Variants in ARFGEF3 observed in about 807,000 individuals in gnomAD.
The protein encoded by ARFGEF3 is ARFGEF family member 3, also known as brefeldin A-inhibited guanine nucleotide-exchange protein 3.
Under a neutral mutation model 221.7 loss-of-function variants are expected in ARFGEF3, and 96 were observed. The ratio of observed to expected loss-of-function variants is 0.43; its 90% CI spans 0.37 to 0.51. The LOEUF (loss-of-function observed/expected upper bound fraction) is 0.51. Ranked by LOEUF, ARFGEF3 falls within the 20% of genes least tolerant of loss-of-function variation. ARFGEF3 has a pLI of 0.00. For missense variants in ARFGEF3, 2,410 were observed against 2,789.9 expected (o/e 0.86, Z 3.07); for synonymous variants, 1,145 against 1,126.8 (o/e 1.02, Z -0.32).
chr6:138,308,411 G>T (rs1779765156), intron 23 of ARFGEF3, among the ~76,000 whole-genome samples: 2 of 152,300 alleles, frequency 1.3e-5, no homozygotes, highest in East Asian at 3.9e-4. Flanking sequence ...ATCTAAACCT[G>T]CCCTGCTGTG....
rs1779915659 is a variant in ARFGEF3, at chr6:138,315,824, TG to T, written c.4346-1424del. 2.0e-5 allele frequency among the ~76,000 whole-genome samples: 3 copies of T among 149,398 alleles called. No individual in the cohort carries two copies. The South Asian group carries it at 6.5e-4, about 32-fold the overall frequency. ...GAGATTGCGCCACTGCACTCTAGAC[TG>T]GGTGACAAAGCGAGACTGCATCTCA... On this transcript the variant is annotated intron_variant, in intron 26 of 33. Transcript: ENST00000251691.
intron 22 of ARFGEF3, 84 bp downstream of exon 22, chr6:138,298,869 A>T: frequency 1.0e-6 from 1 of 987,984 alleles, no homozygotes; most frequent in East Asian, 2.6e-5. Flanking sequence ...TCGCACACTT[A>T]CTCTTTCCAA....
intron 4 of ARFGEF3, among the ~76,000 whole-genome samples, chr6:138,226,980 C>G (rs1477887691): frequency 6.6e-6 from 1 of 152,144 alleles, no homozygotes; most frequent in Admixed American, 6.5e-5. Context: ...GCTTAAGGAA[C>G]TGGCTCCGTT....
chr6:138,336,256 G>A (rs200949952), intron 33 of ARFGEF3, 39 bp from the exon 34 acceptor site: 27 of 1,443,034 alleles, frequency 1.9e-5, no homozygotes, highest in Non-Finnish European at 2.3e-5. Flanking sequence ...ATAAAACCAG[G>A]GGGGAAAGCC....
At chr6:138,240,208 TAAATAGAAAA>T (rs1778368871) in intron 6 of ARFGEF3, among the ~76,000 whole-genome samples, 1 of 152,058 alleles carries the variant, frequency 6.6e-6, no homozygotes. Flanking sequence ...TTAAAATACA[TAAATAGAAAA>T]TAAGAGAAAA....
At chr6:138,209,774 G>A (rs1044309725) in intron 3 of ARFGEF3, 136 bp from the exon 4 acceptor site, 24 of 1,096,358 alleles carry the variant, frequency 2.2e-5, no homozygotes, top group South Asian at 3.2e-5. Flanking sequence ...GGCACATAGC[G>A]TAAGTTCTTT....
At chr6:138,292,755 C>A (rs1457262954) in intron 19 of ARFGEF3, among the ~76,000 whole-genome samples, 1 of 152,234 alleles carries the variant, frequency 6.6e-6, no homozygotes, top group Non-Finnish European at 1.5e-5. Context: ...CCTGTCCTGA[C>A]TTTGCACTCC....
intron 26 of ARFGEF3, among the ~76,000 whole-genome samples, chr6:138,315,267 A>T (rs2114671666): frequency 6.6e-6 from 1 of 152,346 alleles, no homozygotes; most frequent in East Asian, 1.9e-4. Flanking sequence ...ATTAGGTCCC[A>T]TGTGATCTCC....
rs116466078 is a variant in ARFGEF3, at chr6:138,185,866, G to A, written c.137+15153G>A. Among the ~76,000 whole-genome samples the A allele has an allele frequency of 3.7e-3, 570 of 152,244 alleles. 4 individuals are homozygous for A. Among genetic ancestry groups the A allele is most frequent in the Middle Eastern group, 0.027 (8 of 294 alleles). On this transcript the variant is annotated intron_variant, in intron 2 of 33. Coordinates refer to ENST00000251691, the MANE Select transcript of ARFGEF3 (RefSeq NM_020340.5). ...AGTAATGAGAGTTACCAATTATGGC[G>A]TATTGTTCTATGCCAGGAATTATAC... is the stretch of plus-strand genomic sequence containing the variant.
At chr6:138,258,939 A>C (rs1778737158) in intron 10 of ARFGEF3, among the ~76,000 whole-genome samples, 2 of 152,280 alleles carry the variant, frequency 1.3e-5, no homozygotes, top group South Asian at 2.1e-4. Context: ...TGTTTTAAAT[A>C]ATTTCCTTTG....
chr6:138,211,076 A>G (rs1777718519), intron 4 of ARFGEF3, among the ~76,000 whole-genome samples: 3 of 152,162 alleles, frequency 2.0e-5, no homozygotes, highest in Admixed American at 1.3e-4. Flanking sequence ...CAGTCACTCT[A>G]CCTTGATTTC....
chr6:138,297,066 A>AAGTTCCCACTGCCCAAT, intron 21 of ARFGEF3, 111 bp downstream of exon 21: 1 of 1,247,018 alleles, frequency 8.0e-7, no homozygotes, highest in Non-Finnish European at 1.1e-6. Flanking sequence ...GCCATTGGGC[A>AAGTTCCCACTGCCCAAT]GTGGGAACTT....
At chr6:138,319,031 G>A (rs140467302) in intron 27 of ARFGEF3, among the ~76,000 whole-genome samples, 70 of 152,022 alleles carry the variant, frequency 4.6e-4, no homozygotes, top group African/African-American at 1.7e-3. Flanking sequence ...ATAGCTCACT[G>A]CAGTCTCAAA....
At chr6:138,191,511 G>T (rs557038209) in intron 2 of ARFGEF3, among the ~76,000 whole-genome samples, 10 of 151,950 alleles carry the variant, frequency 6.6e-5, no homozygotes, top group African/African-American at 1.9e-4. Flanking sequence ...CTCTCTACTC[G>T]CTGGCTGTGG....
intron 22 of ARFGEF3, among the ~76,000 whole-genome samples, chr6:138,306,953 T>TAAAAAAAAAAAAAAA (rs71773390): frequency 8.8e-6 from 1 of 113,720 alleles, no homozygotes; most frequent in Non-Finnish European, 1.9e-5. Flanking sequence ...TAAGGAACTC[T>TAAAAAAAAAAAAAAA]AAAAAAAAAA....
At chr6:138,327,346 G>T (rs1282181662) in intron 31 of ARFGEF3, among the ~76,000 whole-genome samples, 2 of 152,068 alleles carry the variant, frequency 1.3e-5, no homozygotes, top group Non-Finnish European at 1.5e-5. Flanking sequence ...CTACTCGAGG[G>T]TTTAAGGTGG....
chr6:138,251,752 C>T (rs1056282684), intron 8 of ARFGEF3, among the ~76,000 whole-genome samples: 1 of 152,026 alleles, frequency 6.6e-6, no homozygotes, highest in African/African-American at 2.4e-5. Context: ...CCTACTTGAA[C>T]TTTAGGATCT....
chr6:138,303,964 G>A (rs112903966), intron 22 of ARFGEF3, among the ~76,000 whole-genome samples: 3 of 148,774 alleles, frequency 2.0e-5, no homozygotes, highest in African/African-American at 7.4e-5. Flanking sequence ...AGGGTAAAAT[G>A]TGTGGCTGCT....
At chr6:138,223,404 G>A (rs759120728) in intron 4 of ARFGEF3, among the ~76,000 whole-genome samples, 3 of 152,102 alleles carry the variant, frequency 2.0e-5, no homozygotes, top group Admixed American at 6.5e-5. Flanking sequence ...TTTGAAATGC[G>A]CCTGGCATTA....
Sources: allele counts gnomAD v4.1 joint callset (sites outside exome capture counted in the v4.1 genomes callset), GRCh38; gene constraint gnomAD v4.1.1; transcripts MANE v1.5; gene names NCBI Gene and HGNC (gene_info 2026-07-23, HGNC 2026-07-21).